SLC35F1: variants seen among roughly 807,000 people sequenced by gnomAD.
SLC35F1 encodes the protein chromosome 6 open reading frame 169.
SLC35F1 carries 14 observed loss-of-function variants against 48.7 expected under a neutral mutation model. The observed-to-expected ratio is 0.29, with a 90% CI of 0.19 to 0.45. The LOEUF (loss-of-function observed/expected upper bound fraction) is 0.45. Ranked by LOEUF, SLC35F1 falls within the 20% of genes least tolerant of loss-of-function variation. SLC35F1 has a pLI of 1.00. For synonymous variants in SLC35F1, 190 were observed against 202.2 expected (o/e 0.94, Z 0.51); for missense variants, 404 against 500.0 (o/e 0.81, Z 1.83).
chr6:118,316,170 C>A lies in SLC35F1; in HGVS notation c.*1918C>A, dbSNP rs1448926850. The A allele has an allele frequency of 6.6e-6, 1 of 152,200 alleles. No individual in the cohort carries two copies. The highest frequency in any genetic ancestry group is 1.5e-5 in the Non-Finnish European group (1 of 68,048). 9.4% of individuals were successfully genotyped at this position (152,200 alleles called of 1,614,324 possible). ...AAGCATCCCACACTGTCTGTCAGCACCCACATGGCCTTTTTGCCTGCCTTC... is the reference window on the plus strand; with the variant it reads ...AAGCATCCCACACTGTCTGTCAGCAACCACATGGCCTTTTTGCCTGCCTTC... On this transcript the variant is annotated 3_prime_UTR_variant, in exon 8 of 8. Coordinates refer to ENST00000360388, the MANE Select transcript of SLC35F1 (RefSeq NM_001029858.4).
intron 2 of SLC35F1, among the ~76,000 whole-genome samples, chr6:118,161,234 C>G (rs779481580): frequency 6.6e-6 from 1 of 152,032 alleles, no homozygotes; most frequent in Non-Finnish European, 1.5e-5. Context: ...GTGAATGTGC[C>G]TCTGCCTCTG....
intron 1 of SLC35F1, among the ~76,000 whole-genome samples, chr6:118,099,550 T>A (rs1201648902): frequency 1.3e-5 from 2 of 150,352 alleles, no homozygotes; most frequent in African/African-American, 4.9e-5. Flanking sequence ...AGAATTCCTA[T>A]ACTCAGTGGT....
intron 2 of SLC35F1, among the ~76,000 whole-genome samples, chr6:118,219,232 AT>A (rs1316361741): frequency 1.4e-4 from 21 of 152,190 alleles, no homozygotes; most frequent in South Asian, 6.2e-4. Flanking sequence ...TATGGAATAG[AT>A]CTATATCATG....
intron 2 of SLC35F1, among the ~76,000 whole-genome samples, chr6:118,219,542 G>A (rs1015723836): frequency 1.3e-5 from 2 of 152,136 alleles, no homozygotes; most frequent in Non-Finnish European, 2.9e-5. Context: ...GGAGAAATAG[G>A]AACACTTTTA....
At position 118,003,252 on chromosome 6, in the gene SLC35F1, G is replaced by T. The variant is rs188592837; in HGVS notation, c.173+95353G>T. Among the ~76,000 whole-genome samples, 10 of 152,316 alleles carry T rather than the reference G, an allele frequency of 6.6e-5. 1 individual carries two copies. Among genetic ancestry groups the T allele is most frequent in the Middle Eastern group, 3.4e-3 (1 of 294 alleles). ...CATGGCTGAGTCCTCATGTGTACAG[G>T]CTTAGGACTGTCTGAAGAGGTTAAG... On this transcript the variant is annotated intron_variant, in intron 1 of 7. Transcript: ENST00000360388.
Position 117,907,683 on chromosome 6 carries a change from C to G in SLC35F1, c.-44C>G. On this transcript the variant is annotated 5_prime_UTR_variant, in exon 1 of 8. Coordinates refer to ENST00000360388, the MANE Select transcript of SLC35F1 (RefSeq NM_001029858.4). ...GGGCCCGGAACCGGCACACGATGCA[C>G]CCGGCTGCGTTCTGATCGCCGCCGC... 1 of 1,285,346 alleles carries G rather than the reference C, an allele frequency of 7.8e-7. No individual in the cohort carries two copies. 79.6% of individuals were successfully genotyped at this position (1,285,346 alleles called of 1,614,324 possible).
At chr6:118,303,327 G>A (rs1485143567) in intron 7 of SLC35F1, among the ~76,000 whole-genome samples, 1 of 152,200 alleles carries the variant, frequency 6.6e-6, no homozygotes, top group Non-Finnish European at 1.5e-5. Context: ...CTATGCAAAA[G>A]AAAGATAGAT....
chr6:118,248,280 G>A (rs1236009364), intron 3 of SLC35F1, among the ~76,000 whole-genome samples: 1 of 152,116 alleles, frequency 6.6e-6, no homozygotes, highest in Non-Finnish European at 1.5e-5. Flanking sequence ...AACATAGCTG[G>A]AACAGTAAGC....
chr6:118,237,221 T>C (rs1338576441), intron 3 of SLC35F1, among the ~76,000 whole-genome samples: 2 of 152,050 alleles, frequency 1.3e-5, no homozygotes, highest in African/African-American at 4.8e-5. Flanking sequence ...TAAATTAGCA[T>C]TTAGACATAA....
At chr6:117,939,958 T>C (rs1776208233) in intron 1 of SLC35F1, among the ~76,000 whole-genome samples, 1 of 152,170 alleles carries the variant, frequency 6.6e-6, no homozygotes, top group Non-Finnish European at 1.5e-5. Context: ...GGCAAATGAA[T>C]GTGCATGACT....
intron 1 of SLC35F1, among the ~76,000 whole-genome samples, chr6:118,124,976 A>G (rs1265762778): frequency 6.6e-6 from 1 of 152,196 alleles, no homozygotes; most frequent in Non-Finnish European, 1.5e-5. Flanking sequence ...TCAATCACCC[A>G]GGAGCCATGG....
chr6:117,915,711 TAGAGA>T (rs1295874585), intron 1 of SLC35F1, among the ~76,000 whole-genome samples: 3 of 152,132 alleles, frequency 2.0e-5, no homozygotes, highest in Non-Finnish European at 4.4e-5. Context: ...GGTTACTGAG[TAGAGA>T]AATGACATGA....
chr6:118,115,744 C>T (rs779866446), intron 1 of SLC35F1, among the ~76,000 whole-genome samples: 1 of 152,140 alleles, frequency 6.6e-6, no homozygotes, highest in Non-Finnish European at 1.5e-5. Flanking sequence ...AAGTGACCCT[C>T]GTGCTGCCAT....
At chr6:118,094,544 G>T (rs889156161) in intron 1 of SLC35F1, among the ~76,000 whole-genome samples, 10 of 152,086 alleles carry the variant, frequency 6.6e-5, no homozygotes, top group African/African-American at 2.4e-4. Context: ...GAAGTCAAAA[G>T]ACCAAATTCT....
chr6:118,065,273 T>A (rs1225236180), intron 1 of SLC35F1, among the ~76,000 whole-genome samples: 1 of 152,190 alleles, frequency 6.6e-6, no homozygotes, highest in Non-Finnish European at 1.5e-5. Flanking sequence ...TAATCTATAA[T>A]CTGGTTTCTG....
intron 7 of SLC35F1, among the ~76,000 whole-genome samples, chr6:118,288,015 T>G (rs3080006): frequency 4.7e-5 from 5 of 105,474 alleles, no homozygotes; most frequent in African/African-American, 1.1e-4. Flanking sequence ...ATTTGGGTTT[T>G]TTTTTTTTTT....
chr6:118,191,641 A>G (rs1774734870), intron 2 of SLC35F1, among the ~76,000 whole-genome samples: 1 of 152,168 alleles, frequency 6.6e-6, no homozygotes, highest in African/African-American at 2.4e-5. Context: ...CAGAAGATAG[A>G]GTTCTTGGGT....
At chr6:117,943,251 C>T (rs1776255079) in intron 1 of SLC35F1, among the ~76,000 whole-genome samples, 1 of 152,142 alleles carries the variant, frequency 6.6e-6, no homozygotes, top group South Asian at 2.1e-4. Flanking sequence ...GTAACCAAAA[C>T]ACATTTCCTG....
intron 7 of SLC35F1, among the ~76,000 whole-genome samples, chr6:118,307,709 A>G (rs762025921): frequency 2.0e-5 from 3 of 152,196 alleles, no homozygotes; most frequent in South Asian, 2.1e-4. Context: ...TCGTTTTTCC[A>G]TGGAGCCAGG....
Sources: gnomAD v4.1 joint callset for allele counts (sites outside exome capture counted in the v4.1 genomes callset) on GRCh38, gnomAD v4.1.1 for gene constraint, MANE v1.5 for transcripts, NCBI Gene and HGNC (gene_info 2026-07-23, HGNC 2026-07-21) for gene names.